Variants in CMYA5 observed in about 807,000 individuals in gnomAD.
The protein encoded by CMYA5 is cardiomyopathy associated 5.
In CMYA5, 246 loss-of-function variants were observed where a neutral mutation model predicts 318.9. That is an observed-to-expected ratio of 0.77 (90% CI 0.70 to 0.86). The LOEUF is 0.86. Among genes scored for constraint, CMYA5 ranks in the 40% least tolerant of loss-of-function variants. CMYA5 has a pLI of 0.00. For missense variants in CMYA5, 4,589 were observed against 4,678.2 expected (o/e 0.98, Z 0.56); for synonymous variants, 1,641 against 1,729.5 (o/e 0.95, Z 1.27).
At chr5:79,762,815 A>ATT in intron 8 of CMYA5, 1 of 458,398 alleles carries the variant, frequency 2.2e-6, no homozygotes, top group South Asian at 4.2e-5. Flanking sequence ...GTCTAGTGGG[A>ATT]TTTATAGGAA....
Position 79,733,391 on chromosome 5 carries a change from T to C in CMYA5, c.4626T>C (p.Thr1542=). The C allele has an allele frequency of 6.2e-7, 1 of 1,613,556 alleles. No individual in the cohort carries two copies. The highest frequency in any genetic ancestry group is 8.5e-7 in the Non-Finnish European group (1 of 1,179,830). ...GGGGTGAGATAAAGAAGAAAGAAAC[T>C]GAACTTCCTTCATCACAAAATGTGT... is the stretch of plus-strand genomic sequence containing the variant. ...SLWGEIKKKE[T]ELPSSQNVSP... Residue 1542 remains threonine, a synonymous_variant, in exon 2 of 13, where the codon ACT becomes ACC. Coordinates refer to ENST00000446378, the MANE Select transcript of CMYA5 (RefSeq NM_153610.5).
At chr5:79,789,458 T>A (rs1449375643) in intron 10 of CMYA5, among the ~76,000 whole-genome samples, 1 of 151,654 alleles carries the variant, frequency 6.6e-6, no homozygotes, top group African/African-American at 2.4e-5. Context: ...AGAGTCTCAC[T>A]CTGTCGCCTA....
At position 79,730,861 on chromosome 5, in the gene CMYA5, A is replaced by T; in HGVS notation, c.2096A>T (p.Glu699Val). Residue 699 changes from glutamate (E) to valine (V), a missense_variant, in exon 2 of 13, where the codon GAA becomes GTA. Transcript: ENST00000446378. ...CYTPDSTSAS[E>V]YSVPSLATKE... ...ACACCAGACTCCACATCTGCTTCTG[A>T]ATATTCAGTTCCATCACTGGCAACA... The T allele has an allele frequency of 6.2e-7, 1 of 1,613,978 alleles. No individual in the cohort carries two copies. The highest frequency in any genetic ancestry group is 2.2e-5 in the East Asian group (1 of 44,888).
At chr5:79,693,828 C>A (rs766478423) in intron 1 of CMYA5, among the ~76,000 whole-genome samples, 22 of 152,204 alleles carry the variant, frequency 1.4e-4, no homozygotes, top group African/African-American at 3.9e-4. Context: ...CTAAAACTCA[C>A]TCCAGTTTGG....
In CMYA5 at chr5:79,735,295, C is replaced by T. The variant is rs968616602; in HGVS notation, c.6530C>T (p.Ser2177Phe). 6.2e-7 allele frequency: 1 copy of T among 1,613,848 alleles called. No individual in the cohort carries two copies. Among genetic ancestry groups the T allele is most frequent in the Non-Finnish European group, 8.5e-7 (1 of 1,179,822 alleles). Residue 2177 changes from serine (S) to phenylalanine (F), a missense_variant, in exon 2 of 13, where the codon TCT becomes TTT. This residue lies in a region of CMYA5 where 2,431 missense variants were observed against 2,495.1 expected (regional missense o/e 0.97). Transcript: ENST00000446378. ...PEEKGKKGIS[S>F]FKSWMSSLFF... is the part of the protein sequence containing the mutation. ...GAAAAGGGAAAGAAAGGAATTTCATCTTTCAAATCGTGGATGTCCAGCTTG... is the reference window on the plus strand; with the variant it reads ...GAAAAGGGAAAGAAAGGAATTTCATTTTTCAAATCGTGGATGTCCAGCTTG...
At chr5:79,692,922 C>A (rs1403915667) in intron 1 of CMYA5, among the ~76,000 whole-genome samples, 1 of 152,122 alleles carries the variant, frequency 6.6e-6, no homozygotes, top group Admixed American at 6.6e-5. Context: ...ATAGACAATG[C>A]GAGGTGCTGG....
chr5:79,737,401 C>A lies in CMYA5; in HGVS notation c.8636C>A (p.Thr2879Asn). The change falls in exon 2 of 13, where the codon ACC becomes AAC. Residue 2879 changes from threonine (T) to asparagine (N), a missense_variant. Coordinates refer to ENST00000446378, the MANE Select transcript of CMYA5 (RefSeq NM_153610.5). Reference protein sequence around the residue: ...SKHHLEAAEDTRVKEPLSSAK... With the variant: ...SKHHLEAAEDNRVKEPLSSAK... The stretch of plus-strand genomic sequence containing the variant: ...CACCACTTGGAGGCTGCGGAAGATA[C>A]CCGTGTAAAGGAACCACTGTCTTCA... 2.5e-6 allele frequency: 4 copies of A among 1,613,868 alleles called. No homozygotes were observed. Among genetic ancestry groups the A allele is most frequent in the Non-Finnish European group, 2.5e-6 (3 of 1,179,820 alleles).
intron 9 of CMYA5, 178 bp downstream of exon 9, chr5:79,763,387 T>C: frequency 1.7e-6 from 1 of 571,536 alleles, no homozygotes; most frequent in Non-Finnish European, 3.1e-6. Flanking sequence ...AACTCCAAGT[T>C]TGTAATAAAA....
Position 79,731,833 on chromosome 5 carries a change from C to T in CMYA5, c.3068C>T (p.Pro1023Leu), listed in dbSNP as rs780337024. ...ISETEKNELE[P>L]DSLLTAVSAS... is the part of the protein sequence containing the mutation. ...GAAACAGAGAAAAATGAACTTGAGC[C>T]TGATTCACTATTAACTGCAGTGTCT... The change falls in exon 2 of 13, where the codon CCT (proline) becomes CTT (leucine). Residue 1023 changes from proline (P) to leucine (L), a missense_variant. Physicochemically the swap from Pro to Leu is moderately conservative, Grantham distance 98. Coordinates refer to ENST00000446378, the MANE Select transcript of CMYA5 (RefSeq NM_153610.5). 2.5e-6 allele frequency: 4 copies of T among 1,613,142 alleles called. No homozygotes were observed. The highest frequency in any genetic ancestry group is 2.5e-6 in the Non-Finnish European group (3 of 1,179,706).
At chr5:79,723,104 T>A (rs1443742095) in intron 1 of CMYA5, among the ~76,000 whole-genome samples, 2 of 152,100 alleles carry the variant, frequency 1.3e-5, no homozygotes, top group African/African-American at 4.8e-5. Flanking sequence ...CTATGAGGCA[T>A]CATAATCTTG....
At chr5:79,693,994 C>G (rs1467240638) in intron 1 of CMYA5, among the ~76,000 whole-genome samples, 1 of 152,050 alleles carries the variant, frequency 6.6e-6, no homozygotes, top group Non-Finnish European at 1.5e-5. Flanking sequence ...AGTTTCTAGG[C>G]AAAGGGATGA....
At chr5:79,775,605 C>T (rs1047926376) in intron 9 of CMYA5, among the ~76,000 whole-genome samples, 1 of 152,128 alleles carries the variant, frequency 6.6e-6, no homozygotes, top group Admixed American at 6.5e-5. Flanking sequence ...AAGCACATTT[C>T]ACTAAGAGAG....
At chr5:79,714,882 T>C (rs1827484494) in intron 1 of CMYA5, among the ~76,000 whole-genome samples, 1 of 152,188 alleles carries the variant, frequency 6.6e-6, no homozygotes, top group African/African-American at 2.4e-5. Context: ...TTCCCATTGC[T>C]TTGCATATTG....
rs368161058 is a variant in CMYA5, at chr5:79,732,170, G to A, written c.3405G>A (p.Val1135=). 1.2e-5 allele frequency: 20 copies of A among 1,613,950 alleles called. No homozygotes were observed. The African/African-American group carries it at 2.7e-4, about 22-fold the overall frequency. Residue 1135 remains valine (V), a synonymous_variant, in exon 2 of 13, where the codon GTG becomes GTA. Coordinates refer to ENST00000446378, the MANE Select transcript of CMYA5 (RefSeq NM_153610.5). ...DLIPSHLTSE[V]EKGEREASSS... is the part of the protein sequence containing the mutation. The stretch of plus-strand genomic sequence containing the variant: ...TTCCTTCACATTTAACCAGTGAAGT[G>A]GAGAAGGGAGAAAGGGAGGCAAGTT...
chr5:79,794,403 C>A (rs562933974), intron 12 of CMYA5, among the ~76,000 whole-genome samples: 1 of 152,272 alleles, frequency 6.6e-6, no homozygotes, highest in South Asian at 2.1e-4. Context: ...AGTCTCAGAG[C>A]GATCAGGCAG....
chr5:79,761,948 T>G lies in CMYA5; in HGVS notation c.11398T>G (p.Phe3800Val). 1 of 1,613,048 alleles carries G rather than the reference T, an allele frequency of 6.2e-7. No homozygotes were observed. The highest frequency in any genetic ancestry group is 8.5e-7 in the Non-Finnish European group (1 of 1,179,580). The part of the protein sequence containing the change: ...GCSLPSERAI[F>V]RTAPSTPVIR... ...TAGCCTGCCCAGTGAAAGGGCCATC[T>G]TTAGGACAGGTAAGGAGATGGATGC... The change falls in exon 8 of 13, where the codon TTT becomes GTT. Residue 3800 changes from phenylalanine to valine, a missense_variant. Coordinates refer to ENST00000446378, the MANE Select transcript of CMYA5 (RefSeq NM_153610.5).
At chr5:79,711,459 C>G (rs6882946) in intron 1 of CMYA5, among the ~76,000 whole-genome samples, 46,752 of 152,064 alleles carry the variant, frequency 0.31, 8,567 homozygotes, top group African/African-American at 0.52. Flanking sequence ...TTGAAGAGGA[C>G]AGAGGCAAAG....
intron 5 of CMYA5, among the ~76,000 whole-genome samples, chr5:79,748,430 T>A (rs1487119338): frequency 1.3e-5 from 2 of 152,190 alleles, no homozygotes; most frequent in African/African-American, 4.8e-5. Flanking sequence ...TTACCAATTC[T>A]CACAGACGAG....
chr5:79,720,286 G>A (rs1486439963), intron 1 of CMYA5, among the ~76,000 whole-genome samples: 1 of 152,078 alleles, frequency 6.6e-6, no homozygotes, highest in Non-Finnish European at 1.5e-5. Context: ...GCTGTAGGGA[G>A]GTAGTGGGGG....
Sources: gnomAD v4.1 joint callset for allele counts (sites outside exome capture counted in the v4.1 genomes callset) on GRCh38, gnomAD v4.1.1 for gene constraint, gnomAD v4.1.1 regional missense constraint, MANE v1.5 for transcripts, NCBI Gene and HGNC (gene_info 2026-07-23, HGNC 2026-07-21) for gene names.